The following NFATC2 variants were observed in gnomAD, a reference collection of about 807,000 sequenced individuals.
The protein encoded by NFATC2 is nuclear factor of activated T cells 2.
In NFATC2, 22 loss-of-function variants were observed where a neutral mutation model predicts 87.3. That is an observed-to-expected ratio of 0.25 (90% CI 0.18 to 0.36). The LOEUF is 0.36. NFATC2 is among the 10% of genes least tolerant of loss of function. The pLI is 1.00. For missense variants in NFATC2, 1,149 were observed against 1,259.1 expected, an observed-to-expected ratio of 0.91 and a Z score of 1.32; for synonymous variants, 565 against 542.2, an observed-to-expected ratio of 1.04 and a Z score of -0.58.
intron 5 of NFATC2, among the ~76,000 whole-genome samples, chr20:51,460,853 G>A (rs1050851419): frequency 2.6e-5 from 4 of 152,082 alleles, no homozygotes; most frequent in African/African-American, 7.2e-5. Flanking sequence ...CCCCAGCAAC[G>A]CAGGGTCAGA....
At chr20:51,445,155 A>G (rs1349108590) in intron 6 of NFATC2, among the ~76,000 whole-genome samples, 2 of 151,996 alleles carry the variant, frequency 1.3e-5, no homozygotes, top group African/African-American at 2.4e-5. Flanking sequence ...TGGGAATTCA[A>G]TCCAAACTCC....
intron 6 of NFATC2, among the ~76,000 whole-genome samples, chr20:51,445,761 T>C (rs1000525667): frequency 3.3e-5 from 5 of 152,242 alleles, no homozygotes; most frequent in Non-Finnish European, 5.9e-5. Flanking sequence ...ATGTGTCCCC[T>C]GTGCCTGGCA....
At chr20:51,414,600 A>C (rs544570240) in intron 9 of NFATC2, among the ~76,000 whole-genome samples, 151 of 152,082 alleles carry the variant, frequency 9.9e-4, no homozygotes, top group African/African-American at 3.5e-3. Flanking sequence ...GAGGCAGGAG[A>C]ATCAACTGAA....
chr20:51,509,771 T>C (rs551936463), intron 3 of NFATC2, among the ~76,000 whole-genome samples: 2 of 152,356 alleles, frequency 1.3e-5, no homozygotes, highest in South Asian at 4.1e-4. Context: ...TTCAAGTAAG[T>C]TGCAGTTAGC....
At chr20:51,400,725 G>A (rs749093923) in intron 9 of NFATC2, among the ~76,000 whole-genome samples, 1 of 152,172 alleles carries the variant, frequency 6.6e-6, no homozygotes, top group African/African-American at 2.4e-5. Context: ...TCCGCAGGTG[G>A]CTACTCGCTC....
At chr20:51,528,569 GA>G (rs770832442) in intron 1 of NFATC2, among the ~76,000 whole-genome samples, 9 of 152,188 alleles carry the variant, frequency 5.9e-5, no homozygotes, top group Non-Finnish European at 1.2e-4. Context: ...GCTTTCTCTG[GA>G]AGTCACAAGT....
In NFATC2 at chr20:51,524,127, G is replaced by GA; in HGVS notation, c.131-18dup. 1 of 1,441,602 alleles carries GA rather than the reference G, an allele frequency of 6.9e-7. No homozygotes were observed. Among genetic ancestry groups the GA allele is most frequent in the Non-Finnish European group, 9.1e-7 (1 of 1,099,138 alleles). The allele number at this position is 1,441,602 out of a possible 1,614,324, so 89.3% of individuals were successfully genotyped here. A position where few individuals can be genotyped will look rare whatever the true frequency, so the allele number is the denominator to read the frequency against. ...TCGGCTCTTCTGGAAAGAGAAGGGG[G>GA]AAGGGGGTTCTTTTTAAGCCTCAAA... On this transcript the variant is annotated splice_polypyrimidine_tract_variant and intron_variant, in intron 1 of 10. Transcript: ENST00000371564. This position sits in a 1 kb window ranked among gnomAD's most constrained non-coding sequence, Gnocchi z 4.0.
At chr20:51,551,817 G>T (rs1240836533) in intron 1 of NFATC2, among the ~76,000 whole-genome samples, 1 of 151,366 alleles carries the variant, frequency 6.6e-6, no homozygotes, top group Non-Finnish European at 1.5e-5. Context: ...CATGAGGTCA[G>T]GAGATCAAGA....
chr20:51,408,770 C>G (rs1167629575), intron 9 of NFATC2, among the ~76,000 whole-genome samples: 1 of 152,132 alleles, frequency 6.6e-6, no homozygotes, highest in Non-Finnish European at 1.5e-5. Context: ...TTTGTGACAT[C>G]AAGGTAGAGA....
chr20:51,413,713 C>T (rs1350229305), intron 9 of NFATC2, among the ~76,000 whole-genome samples: 1 of 152,190 alleles, frequency 6.6e-6, no homozygotes, highest in Non-Finnish European at 1.5e-5. Context: ...GCCATGGTGG[C>T]ACCAGTGCAC....
chr20:51,456,695 G>C (rs1187275033), intron 5 of NFATC2, among the ~76,000 whole-genome samples: 1 of 152,196 alleles, frequency 6.6e-6, no homozygotes. Flanking sequence ...GAACTGGGCA[G>C]AGGGCCAGCC....
Position 51,391,393 on chromosome 20 carries a change from CT to C in NFATC2, c.*102del, listed in dbSNP as rs755127967. On this transcript the variant is annotated 3_prime_UTR_variant, in exon 11 of 11. Coordinates refer to ENST00000371564, the MANE Select transcript of NFATC2 (RefSeq NM_012340.5). ...AGAAGGTGTCTTGCTATAATGGCTT[CT>C]TTTACGTCTGATTTCTGGCAGGAGG... The C allele has an allele frequency of 3.2e-5, 46 of 1,443,174 alleles. No individual in the cohort carries two copies. In the African/African-American group the frequency reaches 5.3e-4, roughly 17 times the overall value. The allele number at this position is 1,443,174 out of a possible 1,614,324, so 89.4% of individuals were successfully genotyped here. A position where few individuals can be genotyped will look rare whatever the true frequency, so the allele number is the denominator to read the frequency against.
At position 51,521,756 on chromosome 20, in the gene NFATC2, C is replaced by T. The variant is rs114608710; in HGVS notation, c.1160+1325G>A. Among the ~76,000 whole-genome samples the T allele has an allele frequency of 4.0e-3, 608 of 152,328 alleles. 7 individuals carry two copies. The highest frequency in any genetic ancestry group is 0.014 in the African/African-American group (578 of 41,572). On this transcript the variant is annotated intron_variant, in intron 2 of 10. Coordinates refer to ENST00000371564, the MANE Select transcript of NFATC2 (RefSeq NM_012340.5). The stretch of plus-strand genomic sequence containing the variant: ...CATGTAGGAGAACAGATAGGATAAT[C>T]TCTGGCCTTAGCCCTCATGTACCTC...
At chr20:51,519,934 CAA>C (rs1008499767) in intron 2 of NFATC2, among the ~76,000 whole-genome samples, 146 of 144,436 alleles carry the variant, frequency 1.0e-3, no homozygotes, top group African/African-American at 3.7e-3. Context: ...AAAAAAAGAA[CAA>C]AAAAGAAGTA....
intron 1 of NFATC2, among the ~76,000 whole-genome samples, chr20:51,558,250 G>A (rs754319069): frequency 6.6e-6 from 1 of 152,148 alleles, no homozygotes; most frequent in Non-Finnish European, 1.5e-5. Context: ...GCTGAGGTGG[G>A]AAGATTGCTT....
intron 9 of NFATC2, among the ~76,000 whole-genome samples, chr20:51,415,477 T>C (rs958977545): frequency 2.3e-4 from 35 of 152,094 alleles, no homozygotes; most frequent in African/African-American, 8.0e-4. Flanking sequence ...CCCTGAGTAG[T>C]TGGCCACCAC....
rs1302088701 is a variant in NFATC2 at position 51,562,496 on chromosome 20, G to C, written c.70+64C>G. The C allele has an allele frequency of 7.1e-7, 1 of 1,415,906 alleles. No individual in the cohort carries two copies. Among genetic ancestry groups the C allele is most frequent in the African/African-American group, 1.4e-5 (1 of 70,050 alleles). 87.7% of individuals were successfully genotyped at this position (1,415,906 alleles called of 1,614,324 possible). On this transcript the variant is annotated intron_variant, in intron 1 of 10. Coordinates refer to the NFATC2 transcript ENST00000414705. The surrounding 1 kb of genome is among the most constrained non-coding windows in gnomAD (Gnocchi z 5.8). The stretch of plus-strand genomic sequence containing the variant: ...GAGCTGAAAGTGCTGCCCGGGACGG[G>C]AGCAGCAGGAAAGGGCCGGGAGGAG...
intron 9 of NFATC2, among the ~76,000 whole-genome samples, chr20:51,414,296 G>C (rs1259426149): frequency 1.3e-5 from 2 of 152,204 alleles, no homozygotes; most frequent in East Asian, 1.9e-4. Flanking sequence ...ACCTGAAAGA[G>C]ACCATGTTCA....
intron 5 of NFATC2, among the ~76,000 whole-genome samples, chr20:51,473,019 G>A (rs956038555): frequency 6.6e-6 from 1 of 152,190 alleles, no homozygotes; most frequent in Non-Finnish European, 1.5e-5. Context: ...ACAAAACTGT[G>A]TTAATGTATA....
Sources: gnomAD v4.1 joint callset for allele counts (sites outside exome capture counted in the v4.1 genomes callset) on GRCh38, gnomAD v4.1.1 for gene constraint, Gnocchi (gnomAD v3.1) non-coding constraint, MANE v1.5 for transcripts, NCBI Gene and HGNC (gene_info 2026-07-23, HGNC 2026-07-21) for gene names.